RAPGEF2: variants seen among roughly 807,000 people sequenced by gnomAD.
The protein encoded by RAPGEF2 is PDZ domain containing guanine nucleotide exchange factor (GEF) 1.
A neutral mutation model predicts 186.7 loss-of-function variants in RAPGEF2; 54 were observed. The ratio of observed to expected loss-of-function variants is 0.29; its 90% CI spans 0.23 to 0.36. RAPGEF2 has a LOEUF of 0.36. RAPGEF2 is among the 10% of genes least tolerant of loss of function. The pLI is 1.00. For missense variants in RAPGEF2, 1,532 were observed against 2,045.0 expected, an observed-to-expected ratio of 0.75 and a Z score of 4.84; for synonymous variants, 712 against 705.9, an observed-to-expected ratio of 1.01 and a Z score of -0.14.
rs1213382192 is a variant in RAPGEF2, at chr4:159,352,680, T to C, written c.3866-5T>C. On this transcript the variant is annotated splice_polypyrimidine_tract_variant and splice_region_variant and intron_variant, in intron 26 of 29. Coordinates refer to ENST00000691494, the MANE Select transcript of RAPGEF2 (RefSeq NM_001394067.2). ...CTAATTAATACGGTTGTATTTCTCA[T>C]GCAGGCTATACTTTGGCTCCCAGTG... 3.1e-6 allele frequency: 5 copies of C among 1,604,904 alleles called. No homozygotes were observed. Among genetic ancestry groups the C allele is most frequent in the Non-Finnish European group, 4.3e-6 (5 of 1,171,608 alleles).
chr4:159,298,982 A>AT (rs1265886845), intron 7 of RAPGEF2, among the ~76,000 whole-genome samples: 2 of 152,128 alleles, frequency 1.3e-5, no homozygotes, highest in Non-Finnish European at 2.9e-5. Context: ...AGTATCCTTT[A>AT]TTTTTTACAA....
chr4:159,152,870 C>T (rs1030342635), intron 1 of RAPGEF2, among the ~76,000 whole-genome samples: 2 of 152,222 alleles, frequency 1.3e-5, no homozygotes, highest in African/African-American at 4.8e-5. Context: ...CCGCCCTCGG[C>T]CTCCCAAAGT....
intron 1 of RAPGEF2, among the ~76,000 whole-genome samples, chr4:159,169,982 A>C (rs1745733147): frequency 1.3e-5 from 2 of 151,976 alleles, no homozygotes; most frequent in South Asian, 4.1e-4. Flanking sequence ...ATTTTTTTGC[A>C]GGAACCTCCA....
intron 8 of RAPGEF2, among the ~76,000 whole-genome samples, chr4:159,311,351 T>G (rs1026928494): frequency 1.4e-4 from 21 of 152,146 alleles, no homozygotes; most frequent in Non-Finnish European, 2.4e-4. Flanking sequence ...GAGTGTGGTG[T>G]TTAACAGAAT....
At chr4:159,257,258 A>G (rs1756284619) in intron 7 of RAPGEF2, among the ~76,000 whole-genome samples, 2 of 152,226 alleles carry the variant, frequency 1.3e-5, no homozygotes, top group South Asian at 4.1e-4. Flanking sequence ...TGGGCAATTT[A>G]CAAAAGAAAG....
intron 1 of RAPGEF2, among the ~76,000 whole-genome samples, chr4:159,116,834 A>G (rs957955290): frequency 4.6e-5 from 7 of 152,158 alleles, no homozygotes; most frequent in East Asian, 1.9e-4. Flanking sequence ...CTCACTTACA[A>G]GTGGGAAGCT....
intron 1 of RAPGEF2, among the ~76,000 whole-genome samples, chr4:159,125,052 A>G (rs548277565): frequency 6.2e-4 from 94 of 151,826 alleles, no homozygotes; most frequent in African/African-American, 2.2e-3. Context: ...TTTTTTAGAA[A>G]TAAAAGTTAG....
chr4:159,225,363 T>C (rs1751924522), intron 4 of RAPGEF2, among the ~76,000 whole-genome samples: 1 of 152,242 alleles, frequency 6.6e-6, no homozygotes, highest in African/African-American at 2.4e-5. Flanking sequence ...CTGAATTTTG[T>C]AAATGAGGCA....
chr4:159,279,804 G>T (rs1007787812), intron 7 of RAPGEF2, among the ~76,000 whole-genome samples: 3 of 151,824 alleles, frequency 2.0e-5, no homozygotes, highest in African/African-American at 7.3e-5. Context: ...TCAGCCTCCC[G>T]AGTAGCTGGG....
At chr4:159,273,666 CTTT>C (rs1758448572) in intron 7 of RAPGEF2, among the ~76,000 whole-genome samples, 3 of 148,702 alleles carry the variant, frequency 2.0e-5, no homozygotes, top group Non-Finnish European at 3.0e-5. Context: ...TTCTTTCTTT[CTTT>C]CTTTCTTTCT....
intron 1 of RAPGEF2, among the ~76,000 whole-genome samples, chr4:159,185,011 C>T (rs533100263): frequency 2.6e-5 from 4 of 152,088 alleles, no homozygotes; most frequent in African/African-American, 4.8e-5. Flanking sequence ...CCCATTTCTT[C>T]GAACAAAGGA....
chr4:159,295,738 TGTGTGTGTGTGTGTGTGCGCGCGC>T (rs1228850826), intron 7 of RAPGEF2, among the ~76,000 whole-genome samples: 1 of 133,808 alleles, frequency 7.5e-6, no homozygotes, highest in African/African-American at 3.4e-5. Flanking sequence ...TGTGTGTGTG[TGTGTGTGTGTGTGTGTGCGCGCGC>T]GCGCGCGCGC....
intron 7 of RAPGEF2, among the ~76,000 whole-genome samples, chr4:159,287,208 A>G (rs1170232656): frequency 1.3e-5 from 2 of 152,166 alleles, no homozygotes; most frequent in Admixed American, 6.5e-5. Context: ...GTAAACATCA[A>G]TCACTGAATA....
chr4:159,250,665 C>CTTTTTTTT (rs34304252), intron 7 of RAPGEF2, among the ~76,000 whole-genome samples: 6 of 123,024 alleles, frequency 4.9e-5, no homozygotes, highest in African/African-American at 1.9e-4. Context: ...TAGCACTCTT[C>CTTTTTTTT]TTTTTTTTTT....
At chr4:159,306,019 AC>A (rs1436034150) in intron 8 of RAPGEF2, among the ~76,000 whole-genome samples, 8 of 152,142 alleles carry the variant, frequency 5.3e-5, no homozygotes, top group East Asian at 1.9e-4. Context: ...TGATCTATGT[AC>A]CTATTTTAAT....
At chr4:159,356,299 C>G in intron 29 of RAPGEF2, 141 bp downstream of exon 29, 3 of 911,600 alleles carry the variant, frequency 3.3e-6, no homozygotes, top group Non-Finnish European at 4.8e-6. Context: ...ATTCAGAGTT[C>G]CAAATTTAGG....
intron 1 of RAPGEF2, among the ~76,000 whole-genome samples, chr4:159,149,295 C>T (rs898877272): frequency 2.0e-5 from 3 of 152,106 alleles, no homozygotes; most frequent in Non-Finnish European, 1.5e-5. Flanking sequence ...GAGTCTTGCC[C>T]TCTTGCCCAG....
At position 159,176,931 on chromosome 4, in the gene RAPGEF2, T is replaced by TA. The variant is rs567621962; in HGVS notation, c.70-9710dup. 2.0e-3 allele frequency among the ~76,000 whole-genome samples: 304 copies of TA among 152,336 alleles called. 2 individuals carry two copies. The highest frequency in any genetic ancestry group is 0.011 in the South Asian group (55 of 4,830). On this transcript the variant is annotated intron_variant, in intron 1 of 29. Coordinates refer to ENST00000691494, the MANE Select transcript of RAPGEF2 (RefSeq NM_001394067.2). Reference sequence around the variant, plus strand: ...AACTTACATTAGAGAGGAAAATACTTACAGTTTGTTGTCCAGCTCTGCCAG... The same window carrying TA: ...AACTTACATTAGAGAGGAAAATACTTAACAGTTTGTTGTCCAGCTCTGCCAG...
Position 159,288,322 on chromosome 4 carries a change from A to G in RAPGEF2, c.544-16020A>G, listed in dbSNP as rs542490590. Among the ~76,000 whole-genome samples the G allele has an allele frequency of 2.6e-5, 4 of 152,296 alleles. No individual in the cohort carries two copies. The East Asian group carries it at 7.7e-4, about 29-fold the overall frequency. On this transcript the variant is annotated intron_variant, in intron 7 of 29. Transcript: ENST00000691494. Reference sequence around the variant, plus strand: ...AAGCCAGTACTAAAGTATTGTAGCGATTTGTGATATATACCTAATCACCTT... The same window carrying G: ...AAGCCAGTACTAAAGTATTGTAGCGGTTTGTGATATATACCTAATCACCTT...
Sources: gnomAD v4.1 joint callset for allele counts (sites outside exome capture counted in the v4.1 genomes callset) on GRCh38, gnomAD v4.1.1 for gene constraint, MANE v1.5 for transcripts, NCBI Gene and HGNC (gene_info 2026-07-23, HGNC 2026-07-21) for gene names.